Variants in PTPRN2 observed in about 807,000 individuals in gnomAD.
PTPRN2 encodes protein tyrosine phosphatase receptor type N2, also known as receptor-type tyrosine-protein phosphatase N2.
Under a neutral mutation model 118.8 loss-of-function variants are expected in PTPRN2, and 74 were observed. That is an observed-to-expected ratio of 0.62 (90% CI 0.52 to 0.76). The LOEUF (loss-of-function observed/expected upper bound fraction) is 0.76. Among genes scored for constraint, PTPRN2 ranks in the 30% least tolerant of loss-of-function variants. PTPRN2 has a pLI of 0.00. For synonymous variants in PTPRN2, 641 were observed against 608.0 expected, an observed-to-expected ratio of 1.05 and a Z score of -0.80; for missense variants, 1,481 against 1,394.4, an observed-to-expected ratio of 1.06 and a Z score of -0.99.
intron 11 of PTPRN2, among the ~76,000 whole-genome samples, chr7:158,023,994 A>G (rs768802568): frequency 3.3e-4 from 50 of 152,162 alleles, no homozygotes; most frequent in Non-Finnish European, 4.9e-4. Context: ...TATATTTGGT[A>G]GATACCACCA....
chr7:157,796,527 A>G (rs143981764), intron 12 of PTPRN2, among the ~76,000 whole-genome samples: 60 of 152,346 alleles, frequency 3.9e-4, no homozygotes, highest in African/African-American at 1.4e-3. Flanking sequence ...AGGAAACGTT[A>G]AAAATCTGGT....
At chr7:158,135,391 C>A (rs1442730492) in intron 8 of PTPRN2, among the ~76,000 whole-genome samples, 1 of 152,056 alleles carries the variant, frequency 6.6e-6, no homozygotes, top group African/African-American at 2.4e-5. Flanking sequence ...CTAAACAGAG[C>A]TAGGAAAAAG....
Position 158,263,385 on chromosome 7 carries a change from ACG to A in PTPRN2, c.277+53432_277+53433del, listed in dbSNP as rs200981297. 8.1e-3 allele frequency among the ~76,000 whole-genome samples: 1,229 copies of A among 151,998 alleles called. 16 individuals carry two copies. The highest frequency in any genetic ancestry group is 0.028 in the African/African-American group (1,158 of 41,440). On this transcript the variant is annotated intron_variant, in intron 3 of 22. Coordinates refer to ENST00000389418, the MANE Select transcript of PTPRN2 (RefSeq NM_002847.5). ...GCACACACATGCACACTGTACACAC[ACG>A]TGCACATCCACATTCATCCACAATG...
chr7:158,171,312 T>TAC lies in PTPRN2; in HGVS notation c.550-4022_550-4021insGT, dbSNP rs1563555733. Among the ~76,000 whole-genome samples the TAC allele has an allele frequency of 1.2e-3, 37 of 31,872 alleles. 1 individual carries two copies. The highest frequency in any genetic ancestry group is 2.8e-3 in the South Asian group (3 of 1,076). The allele number at this position is 31,872 out of a possible 152,430, so 20.9% of individuals were successfully genotyped here. On this transcript the variant is annotated intron_variant, in intron 5 of 22. Transcript: ENST00000389418. Reference sequence around the variant, plus strand: ...ATACACACATATATATACACACATATATATATATATATATATATATATATA... The same window carrying TAC: ...ATACACACATATATATACACACATATACATATATATATATATATATATATATA...
Position 158,544,581 on chromosome 7 carries a change from T to A in PTPRN2, c.112+42977A>T, listed in dbSNP as rs188807517. On this transcript the variant is annotated intron_variant, in intron 1 of 22. Transcript: ENST00000389418. This position sits in a 1 kb window ranked among gnomAD's most constrained non-coding sequence, Gnocchi z 4.2. The stretch of plus-strand genomic sequence containing the variant: ...TGAACCTGGGACGTGGAGGTTGCAG[T>A]GAGCCAAGATCGCACCATTGTACTC... Among the ~76,000 whole-genome samples the A allele has an allele frequency of 6.7e-4, 102 of 151,788 alleles. 1 individual carries two copies. Among genetic ancestry groups the A allele is most frequent in the African/African-American group, 2.4e-3 (99 of 41,338 alleles).
intron 11 of PTPRN2, among the ~76,000 whole-genome samples, chr7:157,931,177 C>T (rs1799337347): frequency 6.6e-6 from 1 of 152,212 alleles, no homozygotes; most frequent in Non-Finnish European, 1.5e-5. Context: ...TGGCTGGCAT[C>T]TCCCAGGCTG....
At chr7:158,348,090 T>A (rs1306900668) in intron 2 of PTPRN2, among the ~76,000 whole-genome samples, 1 of 152,130 alleles carries the variant, frequency 6.6e-6, no homozygotes, top group Non-Finnish European at 1.5e-5. Context: ...CCCTCCTACA[T>A]GCTTTTCTCT....
chr7:157,711,413 A>G (rs954015801), intron 12 of PTPRN2, among the ~76,000 whole-genome samples: 1 of 144,058 alleles, frequency 6.9e-6, no homozygotes, highest in African/African-American at 2.6e-5. Flanking sequence ...GTTCCGGGGC[A>G]GCCGGGTTAC....
intron 3 of PTPRN2, among the ~76,000 whole-genome samples, chr7:158,309,504 T>C (rs1307651793): frequency 6.6e-6 from 1 of 152,196 alleles, no homozygotes; most frequent in Non-Finnish European, 1.5e-5. Flanking sequence ...TACTCCCCTT[T>C]ATATACACAT....
At chr7:157,547,917 CGT>C (rs1798405407) in intron 22 of PTPRN2, among the ~76,000 whole-genome samples, 1 of 151,278 alleles carries the variant, frequency 6.6e-6, no homozygotes, top group South Asian at 2.1e-4. Context: ...CCGCCCTGGG[CGT>C]GTCCTGCTCC....
At chr7:158,294,728 C>A (rs980159253) in intron 3 of PTPRN2, among the ~76,000 whole-genome samples, 1 of 152,206 alleles carries the variant, frequency 6.6e-6, no homozygotes, top group African/African-American at 2.4e-5. Context: ...GAGCACGGGT[C>A]GCCCAGAATT....
intron 3 of PTPRN2, among the ~76,000 whole-genome samples, chr7:158,294,505 A>G (rs529307335): frequency 6.6e-6 from 1 of 152,250 alleles, no homozygotes; most frequent in South Asian, 2.1e-4. Context: ...CATTTCTTCC[A>G]TCTACTCATT....
intron 12 of PTPRN2, among the ~76,000 whole-genome samples, chr7:157,836,243 T>C (rs138668547): frequency 1.3e-5 from 2 of 152,368 alleles, no homozygotes; most frequent in African/African-American, 4.8e-5. Context: ...ACCCTTGGTG[T>C]TAAGTGAGTG....
In PTPRN2 at chr7:157,689,154, G is replaced by C. The variant is rs918272952; in HGVS notation, c.1789-6217C>G. Among the ~76,000 whole-genome samples the C allele has an allele frequency of 5.3e-5, 8 of 152,322 alleles. No individual in the cohort carries two copies. In the East Asian group the frequency reaches 1.5e-3, roughly 29 times the overall value. On this transcript the variant is annotated intron_variant, in intron 12 of 22. Coordinates refer to ENST00000389418, the MANE Select transcript of PTPRN2 (RefSeq NM_002847.5). ...GGGTGTGCTTGGGAGGGGGCGGGAGGGCACTTTCCTCTGTGTCGGTGAAAG... is the reference window on the plus strand; with the variant it reads ...GGGTGTGCTTGGGAGGGGGCGGGAGCGCACTTTCCTCTGTGTCGGTGAAAG...
intron 12 of PTPRN2, among the ~76,000 whole-genome samples, chr7:157,768,155 A>G (rs1243690658): frequency 6.6e-6 from 1 of 152,272 alleles, no homozygotes; most frequent in Non-Finnish European, 1.5e-5. Context: ...AATCAATAAA[A>G]AAAGATTTCA....
intron 3 of PTPRN2, among the ~76,000 whole-genome samples, chr7:158,263,438 G>GCA (rs957543461): frequency 4.7e-5 from 7 of 147,436 alleles, no homozygotes; most frequent in South Asian, 2.1e-4. Context: ...ACACACACAG[G>GCA]CACACACACA....
rs539932658 is a variant in PTPRN2, at chr7:157,934,805, G to A, written c.1724-36068C>T. On this transcript the variant is annotated intron_variant, in intron 11 of 22. Transcript: ENST00000389418. Reference sequence around the variant, plus strand: ...CTCCAACTGCTGTGATTTCCCATCAGTCAGAAGAGGTCCGCAGCATTTTGT... The same window carrying A: ...CTCCAACTGCTGTGATTTCCCATCAATCAGAAGAGGTCCGCAGCATTTTGT... 1.4e-4 allele frequency among the ~76,000 whole-genome samples: 22 copies of A among 152,298 alleles called. No homozygotes were observed. In the South Asian group the frequency reaches 4.3e-3, roughly 30 times the overall value.
chr7:158,541,687 C>A, intron 1 of PTPRN2: 1 of 1,292,058 alleles, frequency 7.7e-7, no homozygotes, highest in Middle Eastern at 2.5e-4. Flanking sequence ...CTGTTGAAGA[C>A]TTAGCTAAGT....
rs1193701737 is a variant in PTPRN2 at position 157,986,102 on chromosome 7, G to A, written c.1724-87365C>T. Among the ~76,000 whole-genome samples, 2 of 152,218 alleles carry A rather than the reference G, an allele frequency of 1.3e-5. No homozygotes were observed. Among genetic ancestry groups the A allele is most frequent in the Non-Finnish European group, 2.9e-5 (2 of 68,030 alleles). On this transcript the variant is annotated intron_variant, in intron 11 of 22. Coordinates refer to ENST00000389418, the MANE Select transcript of PTPRN2 (RefSeq NM_002847.5). The surrounding 1 kb of genome is among the most constrained non-coding windows in gnomAD (Gnocchi z 4.5). Reference sequence around the variant, plus strand: ...GGAGGTGGGAGGAGGGAGGGGTTCTGACCATCTTCTCTGGTGCTCAGTGAG... The same window carrying A: ...GGAGGTGGGAGGAGGGAGGGGTTCTAACCATCTTCTCTGGTGCTCAGTGAG...
Sources: gnomAD v4.1 joint callset for allele counts (sites outside exome capture counted in the v4.1 genomes callset) on GRCh38, gnomAD v4.1.1 for gene constraint, Gnocchi (gnomAD v3.1) non-coding constraint, MANE v1.5 for transcripts, NCBI Gene and HGNC (gene_info 2026-07-23, HGNC 2026-07-21) for gene names.